Variants in HS6ST3 observed in about 807,000 individuals in gnomAD.
HS6ST3 encodes heparan-sulfate 6-O-sulfotransferase 3.
HS6ST3 carries 12 observed loss-of-function variants against 36.7 expected under a neutral mutation model. The ratio of observed to expected loss-of-function variants is 0.33; its 90% CI spans 0.21 to 0.53. The LOEUF (loss-of-function observed/expected upper bound fraction) is 0.53, where lower values mean the gene tolerates loss of function less well. Ranked by LOEUF, HS6ST3 falls within the 20% of genes least tolerant of loss-of-function variation. HS6ST3 has a pLI of 0.95. For synonymous variants in HS6ST3, 240 were observed against 257.5 expected, an observed-to-expected ratio of 0.93 and a Z score of 0.65; for missense variants, 584 against 640.9, an observed-to-expected ratio of 0.91 and a Z score of 0.96.
chr13:96,300,206 G>A (rs755924514), intron 1 of HS6ST3, among the ~76,000 whole-genome samples: 17 of 151,654 alleles, frequency 1.1e-4, no homozygotes, highest in Admixed American at 2.6e-4. Flanking sequence ...ACAGGTGTGT[G>A]ACACCACACC....
intron 1 of HS6ST3, among the ~76,000 whole-genome samples, chr13:96,651,969 C>T (rs1477000043): frequency 6.6e-6 from 1 of 151,962 alleles, no homozygotes; most frequent in Non-Finnish European, 1.5e-5. Context: ...ATGTTACAGT[C>T]ATGACACATA....
intron 1 of HS6ST3, among the ~76,000 whole-genome samples, chr13:96,469,734 G>T (rs1435283188): frequency 4.6e-5 from 7 of 152,074 alleles, no homozygotes; most frequent in Non-Finnish European, 5.9e-5. Flanking sequence ...GATGGTGATG[G>T]TGGTGATGGC....
intron 1 of HS6ST3, among the ~76,000 whole-genome samples, chr13:96,599,829 T>C (rs544429355): frequency 2.0e-5 from 3 of 152,234 alleles, no homozygotes; most frequent in African/African-American, 7.2e-5. Context: ...ACAACTTGTT[T>C]CACTATTGTC....
chr13:96,159,962 C>T (rs926426312), intron 1 of HS6ST3, among the ~76,000 whole-genome samples: 5 of 152,098 alleles, frequency 3.3e-5, no homozygotes, highest in African/African-American at 1.2e-4. Flanking sequence ...GACTTCATCT[C>T]GCTGAGCCCC....
At chr13:96,130,791 C>T (rs1427835106) in intron 1 of HS6ST3, among the ~76,000 whole-genome samples, 1 of 152,182 alleles carries the variant, frequency 6.6e-6, no homozygotes, top group Non-Finnish European at 1.5e-5. Flanking sequence ...GTGCAGCTTT[C>T]TCTGAGCTCT....
intron 1 of HS6ST3, among the ~76,000 whole-genome samples, chr13:96,524,217 C>T (rs2056104924): frequency 6.6e-6 from 1 of 152,134 alleles, no homozygotes; most frequent in Non-Finnish European, 1.5e-5. Context: ...GCTGCCTGAT[C>T]CTTCCTCTGG....
intron 1 of HS6ST3, among the ~76,000 whole-genome samples, chr13:96,155,481 A>T (rs2054106023): frequency 6.6e-6 from 1 of 152,200 alleles, no homozygotes; most frequent in Admixed American, 6.5e-5. Flanking sequence ...GGCACTAGGG[A>T]AGGAGGAAGA....
intron 1 of HS6ST3, among the ~76,000 whole-genome samples, chr13:96,110,345 A>C (rs2053861936): frequency 6.6e-6 from 1 of 151,976 alleles, no homozygotes; most frequent in Non-Finnish European, 1.5e-5. Flanking sequence ...CAAGCCCTTC[A>C]TGAGGGACCC....
At chr13:96,140,224 G>A (rs145540783) in intron 1 of HS6ST3, among the ~76,000 whole-genome samples, 3,067 of 152,078 alleles carry the variant, frequency 0.02, 89 homozygotes, top group African/African-American at 0.068. Flanking sequence ...AAACATAAAG[G>A]TGCAGTATTA....
At chr13:96,459,863 G>T (rs958263259) in intron 1 of HS6ST3, among the ~76,000 whole-genome samples, 1 of 152,164 alleles carries the variant, frequency 6.6e-6, no homozygotes, top group Admixed American at 6.5e-5. Flanking sequence ...TACGGTGTGT[G>T]CATATATTTG....
chr13:96,604,771 T>C (rs2056432817), intron 1 of HS6ST3, among the ~76,000 whole-genome samples: 1 of 152,210 alleles, frequency 6.6e-6, no homozygotes, highest in African/African-American at 2.4e-5. Context: ...TTTAAGTGTA[T>C]TTTTACTTTG....
intron 1 of HS6ST3, among the ~76,000 whole-genome samples, chr13:96,473,080 C>T (rs2055847130): frequency 6.6e-6 from 1 of 152,134 alleles, no homozygotes; most frequent in African/African-American, 2.4e-5. Flanking sequence ...TGCTCTTCCC[C>T]ACCTCCTTGT....
chr13:96,765,625 TC>T (rs1656017150), intron 1 of HS6ST3, among the ~76,000 whole-genome samples: 1 of 151,296 alleles, frequency 6.6e-6, no homozygotes, highest in Non-Finnish European at 1.5e-5. Context: ...TCTCTCTCTC[TC>T]TCTGTTTCTG....
chr13:96,099,808 G>T (rs1350773017), intron 1 of HS6ST3, among the ~76,000 whole-genome samples: 1 of 152,190 alleles, frequency 6.6e-6, no homozygotes, highest in Non-Finnish European at 1.5e-5. Context: ...AATAATTAAA[G>T]GTTCTGGATA....
intron 1 of HS6ST3, among the ~76,000 whole-genome samples, chr13:96,482,420 T>C (rs891776550): frequency 2.0e-5 from 3 of 152,260 alleles, no homozygotes; most frequent in African/African-American, 7.2e-5. Flanking sequence ...AATAATTTTT[T>C]CATCTCTTTA....
At chr13:96,389,342 A>G (rs868472016) in intron 1 of HS6ST3, among the ~76,000 whole-genome samples, 1 of 152,126 alleles carries the variant, frequency 6.6e-6, no homozygotes, top group Admixed American at 6.6e-5. Flanking sequence ...ATCTATATGT[A>G]CCCCACAACA....
chr13:96,770,474 G>C (rs1199134952), intron 1 of HS6ST3, among the ~76,000 whole-genome samples: 1 of 151,952 alleles, frequency 6.6e-6, no homozygotes, highest in Non-Finnish European at 1.5e-5. Flanking sequence ...TTCTTAATTG[G>C]ATATTATATT....
chr13:96,306,837 C>T (rs1401413522), intron 1 of HS6ST3, among the ~76,000 whole-genome samples: 1 of 152,154 alleles, frequency 6.6e-6, no homozygotes, highest in Non-Finnish European at 1.5e-5. Flanking sequence ...GAACAAAATT[C>T]TAGATGATAA....
At chr13:96,248,935 A>C (rs551761479) in intron 1 of HS6ST3, among the ~76,000 whole-genome samples, 1 of 152,176 alleles carries the variant, frequency 6.6e-6, no homozygotes, top group Non-Finnish European at 1.5e-5. Context: ...AGTGTAATTG[A>C]TGTGGCCACC....
Sources: gnomAD v4.1 joint callset for allele counts (sites outside exome capture counted in the v4.1 genomes callset) on GRCh38, gnomAD v4.1.1 for gene constraint, MANE v1.5 for transcripts, NCBI Gene and HGNC (gene_info 2026-07-23, HGNC 2026-07-21) for gene names.